The following MAP7 variants were observed in gnomAD, a reference collection of about 807,000 sequenced individuals.
MAP7 encodes the protein ensconsin.
A neutral mutation model predicts 94.8 loss-of-function variants in MAP7; 52 were observed. That is an observed-to-expected ratio of 0.55 (90% CI 0.44 to 0.69). The LOEUF is 0.69. Among genes scored for constraint, MAP7 ranks in the 30% least tolerant of loss-of-function variants. The pLI, the probability that MAP7 is intolerant of heterozygous loss-of-function variation, is 0.00. For synonymous variants in MAP7, 350 were observed against 357.0 expected (o/e 0.98, Z 0.22); for missense variants, 940 against 964.6 (o/e 0.97, Z 0.34).
At chr6:136,535,873 T>G (rs1417713816) in intron 1 of MAP7, among the ~76,000 whole-genome samples, 1 of 152,028 alleles carries the variant, frequency 6.6e-6, no homozygotes. Context: ...ATTAGGTATA[T>G]CTCCTAATGC....
intron 3 of MAP7, among the ~76,000 whole-genome samples, chr6:136,404,721 C>T (rs1785093372): frequency 6.6e-6 from 1 of 152,070 alleles, no homozygotes; most frequent in South Asian, 2.1e-4. Flanking sequence ...TAGTATGTTC[C>T]AAGGCACTTA....
intron 1 of MAP7, among the ~76,000 whole-genome samples, chr6:136,491,771 C>T (rs1278547879): frequency 6.6e-6 from 1 of 152,168 alleles, no homozygotes; most frequent in Non-Finnish European, 1.5e-5. Flanking sequence ...TAAAATGATG[C>T]TCCTGTAATC....
At chr6:136,411,529 C>T (rs1027638065) in intron 3 of MAP7, 91 bp downstream of exon 3, 20 of 1,041,900 alleles carry the variant, frequency 1.9e-5, no homozygotes, top group Non-Finnish European at 2.1e-5. Flanking sequence ...CCTCATAGTC[C>T]ATCTGTAAAA....
chr6:136,423,544 T>C (rs942700582), intron 1 of MAP7, among the ~76,000 whole-genome samples: 1 of 151,666 alleles, frequency 6.6e-6, no homozygotes, highest in African/African-American at 2.4e-5. Flanking sequence ...TTTCCAGAGG[T>C]TTTCAGCTCA....
At position 136,527,176 on chromosome 6, in the gene MAP7, G is replaced by A. The variant is rs560352165; in HGVS notation, c.67+23166C>T. Among the ~76,000 whole-genome samples the A allele has an allele frequency of 4.3e-4, 66 of 152,170 alleles. No homozygotes were observed. In the South Asian group the frequency reaches 0.01, roughly 23 times the overall value. On this transcript the variant is annotated intron_variant, in intron 1 of 17. Transcript: ENST00000354570. ...CCCAATTTTAGCTCTTTTTTGGATC[G>A]TTTTCTTCAAAGCACAGAATCATGT...
intron 1 of MAP7, among the ~76,000 whole-genome samples, chr6:136,462,877 G>A (rs1393356055): frequency 6.6e-6 from 1 of 150,592 alleles, no homozygotes; most frequent in African/African-American, 2.4e-5. Context: ...TGGGAGGATT[G>A]CTTGAGCCTG....
chr6:136,468,157 CT>C (rs1270649840), intron 1 of MAP7, among the ~76,000 whole-genome samples: 2 of 152,168 alleles, frequency 1.3e-5, no homozygotes, highest in African/African-American at 2.4e-5. Flanking sequence ...TGGGCAACAC[CT>C]TGCGTGCATG....
chr6:136,418,778 C>T (rs3778299), intron 2 of MAP7, among the ~76,000 whole-genome samples: 113,446 of 151,858 alleles, frequency 0.75, 43,320 homozygotes, highest in Middle Eastern at 0.85. Flanking sequence ...AAATGAAAAT[C>T]AACAAAATGC....
chr6:136,366,055 AC>A (rs913156717), intron 9 of MAP7, 37 bp from the exon 10 acceptor site: 2 of 1,584,866 alleles, frequency 1.3e-6, no homozygotes, highest in African/African-American at 2.7e-5. Context: ...AAAAGGGGAC[AC>A]ATGAGAACAG....
At chr6:136,437,629 A>G (rs1405129482) in intron 1 of MAP7, among the ~76,000 whole-genome samples, 1 of 152,244 alleles carries the variant, frequency 6.6e-6, no homozygotes, top group Admixed American at 6.5e-5. Flanking sequence ...TTAGGGATAC[A>G]GACAGAATTC....
rs558304268 is a variant in MAP7, at chr6:136,402,644, C to T, written c.244+8976G>A. ...ACTTACTGCCGGGCACGGTGGCTCA[C>T]GCCTGTAATCCCAGCACTTTGGGAG... On this transcript the variant is annotated intron_variant, in intron 3 of 17. Transcript: ENST00000354570. 5.9e-5 allele frequency among the ~76,000 whole-genome samples: 9 copies of T among 152,248 alleles called. No individual in the cohort carries two copies. In the South Asian group the frequency reaches 1.7e-3, roughly 28 times the overall value.
chr6:136,477,569 G>A (rs1811327330), intron 1 of MAP7, among the ~76,000 whole-genome samples: 1 of 152,102 alleles, frequency 6.6e-6, no homozygotes, highest in South Asian at 2.1e-4. Flanking sequence ...GACAAAGAAG[G>A]TCATTATTTA....
chr6:136,464,080 G>C (rs921499652), intron 1 of MAP7, among the ~76,000 whole-genome samples: 3 of 152,234 alleles, frequency 2.0e-5, no homozygotes. Context: ...GATGTTATTC[G>C]GCCTGTGACC....
chr6:136,489,507 G>C (rs546214751), intron 1 of MAP7, among the ~76,000 whole-genome samples: 1 of 146,954 alleles, frequency 6.8e-6, no homozygotes, highest in African/African-American at 2.5e-5. Context: ...TCATTACAAT[G>C]CTCTGTAACA....
At chr6:136,367,239 A>G (rs1794565988) in intron 8 of MAP7, among the ~76,000 whole-genome samples, 2 of 152,198 alleles carry the variant, frequency 1.3e-5, no homozygotes, top group Admixed American at 6.5e-5. Flanking sequence ...AGACCAAAAC[A>G]AACAAACAAA....
intron 1 of MAP7, among the ~76,000 whole-genome samples, chr6:136,517,282 C>A (rs202044296): frequency 1.3e-5 from 2 of 152,240 alleles, no homozygotes; most frequent in East Asian, 3.9e-4. Context: ...GTGACTAAAA[C>A]AACACAAGAA....
At chr6:136,355,327 A>C (rs1790586107) in intron 16 of MAP7, among the ~76,000 whole-genome samples, 1 of 151,196 alleles carries the variant, frequency 6.6e-6, no homozygotes, top group African/African-American at 2.5e-5. Context: ...AATGAATTTA[A>C]AAAATCTAAT....
chr6:136,496,602 C>T (rs1479666443), intron 1 of MAP7, among the ~76,000 whole-genome samples: 6 of 151,874 alleles, frequency 4.0e-5, no homozygotes, highest in Admixed American at 2.0e-4. Context: ...ATTTCCCCAA[C>T]AGAAACAATA....
chr6:136,548,058 T>C (rs546348294), intron 1 of MAP7, among the ~76,000 whole-genome samples: 20 of 151,918 alleles, frequency 1.3e-4, no homozygotes, highest in Non-Finnish European at 2.4e-4. Context: ...CAACTCTTGA[T>C]GGTAATAGTT....
Sources: allele counts gnomAD v4.1 joint callset (sites outside exome capture counted in the v4.1 genomes callset), GRCh38; gene constraint gnomAD v4.1.1; transcripts MANE v1.5; gene names NCBI Gene and HGNC (gene_info 2026-07-23, HGNC 2026-07-21).